The following TEF variants were observed in gnomAD, a reference collection of about 807,000 sequenced individuals.
The protein encoded by TEF is thyrotroph embryonic factor.
A neutral mutation model predicts 20.8 loss-of-function variants in TEF; 3 were observed. The ratio of observed to expected loss-of-function variants is 0.14; its 90% CI spans 0.07 to 0.37. TEF has a LOEUF of 0.37. Among genes scored for constraint, TEF ranks in the 10% least tolerant of loss-of-function variants. TEF has a pLI of 1.00. For missense variants in TEF, 296 were observed against 397.9 expected, an observed-to-expected ratio of 0.74 and a Z score of 2.18; for synonymous variants, 180 against 171.1, an observed-to-expected ratio of 1.05 and a Z score of -0.41.
Position 41,369,225 on chromosome 22 carries a change from G to T in TEF, c.67+1626G>T, listed in dbSNP as rs554558938. ...AGCTGCCGGTCTCTGGCTCCCAGCT[G>T]GTCTGTGGGGCCCTGCAATAGCCGA... On this transcript the variant is annotated intron_variant, in intron 1 of 3. Coordinates refer to the TEF transcript ENST00000406644. 4.8e-3 allele frequency: 4,778 copies of T among 985,416 alleles called. 11 individuals are homozygous for T. The highest frequency in any genetic ancestry group is 5.3e-3 in the Non-Finnish European group (4,403 of 829,932). 61.0% of individuals were successfully genotyped at this position (985,416 alleles called of 1,614,324 possible). A position where few individuals can be genotyped will look rare whatever the true frequency, so the allele number is the denominator to read the frequency against.
At chr22:41,372,269 C>G (rs181135561) in intron 1 of TEF, among the ~76,000 whole-genome samples, 19 of 152,238 alleles carry the variant, frequency 1.2e-4, no homozygotes, top group Non-Finnish European at 2.4e-4. Flanking sequence ...ACCTGCCCCC[C>G]ACCCCATCCC....
chr22:41,381,267 C>G (rs2037015329), upstream of TEF, among the ~76,000 whole-genome samples: 1 of 152,230 alleles, frequency 6.6e-6, no homozygotes, highest in Non-Finnish European at 1.5e-5. Context: ...CGACCCTGGG[C>G]AGAGTCCCCA....
Position 41,395,894 on chromosome 22 carries a change from A to T in TEF, c.846A>T (p.Leu282=). Residue 282 remains leucine, a synonymous_variant, in exon 4 of 4, where the codon CTA becomes CTT. Coordinates refer to ENST00000266304, the MANE Select transcript of TEF (RefSeq NM_003216.4). ...NTALRTEVAE[L]RKEVGKCKTI... ...CCCTGCGGACGGAGGTGGCCGAGCT[A>T]CGCAAGGAGGTGGGCAAGTGCAAGA... is the stretch of plus-strand genomic sequence containing the variant. 1 of 1,614,168 alleles carries T rather than the reference A, an allele frequency of 6.2e-7. No individual in the cohort carries two copies. Among genetic ancestry groups the T allele is most frequent in the Non-Finnish European group, 8.5e-7 (1 of 1,180,018 alleles).
upstream of TEF, among the ~76,000 whole-genome samples, chr22:41,381,311 G>T (rs2234053): frequency 0.26 from 29,217 of 112,344 alleles, 3,776 homozygotes; most frequent in Admixed American, 0.45. Flanking sequence ...TTCCCCTCCC[G>T]CCCCGCCACA....
rs1601828127 is a variant in TEF at position 41,397,196 on chromosome 22, C to T, written c.*1236C>T. 10 of 398,162 alleles carry T rather than the reference C, an allele frequency of 2.5e-5. No individual in the cohort carries two copies. The East Asian group carries it at 3.6e-4, about 14-fold the overall frequency. The allele number at this position is 398,162 out of a possible 1,614,324, so 24.7% of individuals were successfully genotyped here. On this transcript the variant is annotated 3_prime_UTR_variant, in exon 4 of 4. Coordinates refer to ENST00000266304, the MANE Select transcript of TEF (RefSeq NM_003216.4). ...GGACTTTTACACAGGCCTAGGGTCC[C>T]CTCAGTCTTGGTCCCAGGAGATGGG...
At chr22:41,370,011 G>A (rs180967193) in intron 1 of TEF, 1 of 985,448 alleles carries the variant, frequency 1.0e-6, no homozygotes, top group East Asian at 1.1e-4. Flanking sequence ...CAGTGGGAGG[G>A]AAGTGTACAG....
rs904665561 is a variant in TEF at position 41,397,942 on chromosome 22, A to G, written c.*1982A>G. Reference sequence around the variant, plus strand: ...TTTTATTTTTTTAAGGATGGACACTAAATCTCTGGTGTCCATGTTCCGAGC... The same window carrying G: ...TTTTATTTTTTTAAGGATGGACACTGAATCTCTGGTGTCCATGTTCCGAGC... On this transcript the variant is annotated 3_prime_UTR_variant, in exon 4 of 4. Coordinates refer to ENST00000266304, the MANE Select transcript of TEF (RefSeq NM_003216.4). 6.6e-6 allele frequency: 1 copy of G among 152,190 alleles called. No individual in the cohort carries two copies. Among genetic ancestry groups the G allele is most frequent in the African/African-American group, 2.4e-5 (1 of 41,454 alleles). The allele number at this position is 152,190 out of a possible 1,614,324, so 9.4% of individuals were successfully genotyped here.
chr22:41,377,151 C>T (rs1343379705), upstream of TEF: 2 of 152,168 alleles, frequency 1.3e-5, no homozygotes, highest in Non-Finnish European at 2.9e-5. Flanking sequence ...GGCGCACCAC[C>T]ACACTCAGCT....
chr22:41,389,217 G>C (rs888191145), intron 2 of TEF, among the ~76,000 whole-genome samples: 10 of 151,982 alleles, frequency 6.6e-5, no homozygotes, highest in African/African-American at 2.4e-4. Context: ...TGGTTAACAC[G>C]GTGAAACCCC....
intron 1 of TEF, among the ~76,000 whole-genome samples, chr22:41,376,061 G>A (rs535253223): frequency 6.6e-6 from 1 of 152,100 alleles, no homozygotes; most frequent in Non-Finnish European, 1.5e-5. Flanking sequence ...TCTACTAGGT[G>A]CGGAATATAT....
intron 1 of TEF, among the ~76,000 whole-genome samples, chr22:41,384,329 T>G (rs2037070090): frequency 6.6e-6 from 1 of 152,218 alleles, no homozygotes; most frequent in Non-Finnish European, 1.5e-5. Context: ...TTCTCTTTTT[T>G]TAATTGCCCT....
In TEF at chr22:41,387,477, A is replaced by G; in HGVS notation, c.284A>G (p.His95Arg). ...ATCCCATATGATGGCGAATCTTTCC[A>G]CCTGGAGTACATGGACCTGGATGAG... Reference protein sequence around the residue: ...KTIPYDGESFHLEYMDLDEFL... With the variant: ...KTIPYDGESFRLEYMDLDEFL... Residue 95 changes from histidine (H) to arginine (R), a missense_variant, in exon 2 of 4, where the codon CAC becomes CGC. Coordinates refer to ENST00000266304, the MANE Select transcript of TEF (RefSeq NM_003216.4). The G allele has an allele frequency of 6.2e-7, 1 of 1,614,168 alleles. No homozygotes were observed.
At chr22:41,393,182 TA>T (rs1361393554) in intron 2 of TEF, among the ~76,000 whole-genome samples, 1 of 146,860 alleles carries the variant, frequency 6.8e-6, no homozygotes, top group African/African-American at 2.5e-5. Flanking sequence ...CTCTAAAAAA[TA>T]AAAAAAAATT....
rs1350356734 is a variant in TEF, at chr22:41,396,239, C to T, written c.*279C>T. The T allele has an allele frequency of 2.5e-6, 1 of 406,132 alleles. No individual in the cohort carries two copies. Among genetic ancestry groups the T allele is most frequent in the African/African-American group, 2.0e-5 (1 of 49,718 alleles). The allele number at this position is 406,132 out of a possible 1,614,324, so 25.2% of individuals were successfully genotyped here. ...CTATTCTTGGATGTCCCAGTTGAAT[C>T]AGAAGGGGACCTCTGGAGTACACAC... On this transcript the variant is annotated 3_prime_UTR_variant, in exon 4 of 4. Coordinates refer to ENST00000266304, the MANE Select transcript of TEF (RefSeq NM_003216.4).
intron 1 of TEF, among the ~76,000 whole-genome samples, chr22:41,382,438 G>A (rs1180892945): frequency 6.6e-6 from 1 of 152,024 alleles, no homozygotes; most frequent in African/African-American, 2.4e-5. Flanking sequence ...TTGAGGAGGC[G>A]GAAGGGGATC....
upstream of TEF, among the ~76,000 whole-genome samples, chr22:41,378,151 GCTTCCTTAGCTTC>G (rs2036967045): frequency 1.0e-5 from 1 of 97,674 alleles, no homozygotes; most frequent in Non-Finnish European, 2.4e-5. Context: ...TTTTTAAAAA[GCTTCCTTAGCTTC>G]CTTTTTTTTT....
intron 2 of TEF, among the ~76,000 whole-genome samples, chr22:41,393,515 G>T (rs1428667948): frequency 6.6e-6 from 1 of 152,112 alleles, no homozygotes; most frequent in African/African-American, 2.4e-5. Context: ...CCAGCACTTT[G>T]GGAGGCCAAG....
chr22:41,377,941 G>C (rs920606849), upstream of TEF, among the ~76,000 whole-genome samples: 2 of 152,150 alleles, frequency 1.3e-5, no homozygotes, highest in African/African-American at 4.8e-5. Flanking sequence ...GCTAAAAAAA[G>C]AAAATCTAAA....
intron 1 of TEF, among the ~76,000 whole-genome samples, chr22:41,370,443 C>T (rs1289255278): frequency 8.0e-6 from 1 of 124,832 alleles, no homozygotes; most frequent in Non-Finnish European, 1.6e-5. Context: ...GCCAGTGTCT[C>T]ACTCTGTTGC....
Sources: gnomAD v4.1 joint callset for allele counts (sites outside exome capture counted in the v4.1 genomes callset) on GRCh38, gnomAD v4.1.1 for gene constraint, MANE v1.5 for transcripts, NCBI Gene and HGNC (gene_info 2026-07-23, HGNC 2026-07-21) for gene names.